OXR1: variants seen among roughly 807,000 people sequenced by gnomAD.
OXR1 encodes oxidation resistance 1.
In OXR1, 41 loss-of-function variants were observed where a neutral mutation model predicts 104.6. The ratio of observed to expected loss-of-function variants is 0.39; its 90% CI spans 0.31 to 0.51. The LOEUF is 0.51. Among genes scored for constraint, OXR1 ranks in the 20% least tolerant of loss-of-function variants. The pLI, the probability that OXR1 is intolerant of heterozygous loss-of-function variation, is 0.77. For missense variants in OXR1, 955 were observed against 1,031.9 expected, an observed-to-expected ratio of 0.93 and a Z score of 1.02; for synonymous variants, 348 against 348.4, an observed-to-expected ratio of 1.00 and a Z score of 0.01.
chr8:106,430,088 G>A, intron 2 of OXR1, among the ~76,000 whole-genome samples: 1 of 151,862 alleles, frequency 6.6e-6, no homozygotes, highest in Non-Finnish European at 1.5e-5. Context: ...TATATAACAG[G>A]TTGGTATCTT....
chr8:106,726,435 T>A, intron 11 of OXR1: 2 of 549,578 alleles, frequency 3.6e-6, no homozygotes, highest in Non-Finnish European at 6.1e-6. Context: ...AATTTTATGA[T>A]TGTACAAAGT....
intron 8 of OXR1, among the ~76,000 whole-genome samples, chr8:106,705,998 A>C (rs548933797): frequency 6.6e-6 from 1 of 152,182 alleles, no homozygotes; most frequent in South Asian, 2.1e-4. Flanking sequence ...TTAAAATTTT[A>C]ATTAAACATT....
intron 3 of OXR1, among the ~76,000 whole-genome samples, chr8:106,537,408 TA>T (rs1226522136): frequency 6.6e-6 from 1 of 152,066 alleles, no homozygotes; most frequent in African/African-American, 2.4e-5. Flanking sequence ...CAAAATGCCG[TA>T]AGAGTTTAAA....
At chr8:106,627,804 G>A (rs999882625) in intron 3 of OXR1, among the ~76,000 whole-genome samples, 5 of 152,180 alleles carry the variant, frequency 3.3e-5, no homozygotes, top group African/African-American at 1.2e-4. Flanking sequence ...CATTTTGGCA[G>A]TGAGTCCTAA....
At chr8:106,612,751 G>A (rs189843194) in intron 3 of OXR1, among the ~76,000 whole-genome samples, 1 of 152,140 alleles carries the variant, frequency 6.6e-6, no homozygotes, top group East Asian at 1.9e-4. Context: ...CATTTATTGA[G>A]TATTTATTAC....
intron 2 of OXR1, among the ~76,000 whole-genome samples, chr8:106,493,063 A>G (rs1476251784): frequency 1.3e-5 from 2 of 152,176 alleles, no homozygotes; most frequent in African/African-American, 4.8e-5. Flanking sequence ...AAAAAAATTG[A>G]ACTAGTATTC....
chr8:106,667,283 C>G (rs1238278211), intron 3 of OXR1, among the ~76,000 whole-genome samples: 2 of 152,166 alleles, frequency 1.3e-5, no homozygotes, highest in Non-Finnish European at 2.9e-5. Context: ...AAACCACTGA[C>G]TTAGGATGTG....
At chr8:106,587,041 G>A (rs1279370428) in intron 3 of OXR1, among the ~76,000 whole-genome samples, 1 of 152,126 alleles carries the variant, frequency 6.6e-6, no homozygotes, top group Admixed American at 6.5e-5. Context: ...GTCAGGAGAG[G>A]GTTTTATTAA....
intron 3 of OXR1, among the ~76,000 whole-genome samples, chr8:106,552,179 T>C (rs1815894390): frequency 6.6e-6 from 1 of 151,918 alleles, no homozygotes; most frequent in South Asian, 2.1e-4. Flanking sequence ...CAGGGAGGAT[T>C]TATTCATAGT....
chr8:106,695,706 C>T (rs1829952904), intron 7 of OXR1, among the ~76,000 whole-genome samples: 1 of 152,224 alleles, frequency 6.6e-6, no homozygotes, highest in East Asian at 1.9e-4. Context: ...GCGTGAGCTA[C>T]CGCACCCGGC....
At chr8:106,291,653 G>A (rs1353627481) in intron 1 of OXR1, among the ~76,000 whole-genome samples, 1 of 152,116 alleles carries the variant, frequency 6.6e-6, no homozygotes, top group African/African-American at 2.4e-5. Context: ...GTCATTCTGA[G>A]TGGTATGCAT....
intron 1 of OXR1, among the ~76,000 whole-genome samples, chr8:106,326,480 A>T (rs1814472667): frequency 6.6e-6 from 1 of 152,208 alleles, no homozygotes. Context: ...CTAGTCAATG[A>T]AGATAGAAAA....
At chr8:106,743,493 GTATTTTT>G (rs1835111269) in intron 15 of OXR1, among the ~76,000 whole-genome samples, 1 of 152,150 alleles carries the variant, frequency 6.6e-6, no homozygotes, top group African/African-American at 2.4e-5. Flanking sequence ...GCTAATTTTT[GTATTTTT>G]AGTAGAGACG....
intron 2 of OXR1, among the ~76,000 whole-genome samples, chr8:106,456,813 G>A (rs1820620702): frequency 6.6e-6 from 1 of 152,158 alleles, no homozygotes; most frequent in Admixed American, 6.5e-5. Context: ...ATAGATGGAT[G>A]GAGACTCAGG....
chr8:106,517,577 C>T (rs1812942496), intron 2 of OXR1, among the ~76,000 whole-genome samples: 1 of 127,114 alleles, frequency 7.9e-6, no homozygotes, highest in South Asian at 2.2e-4. Context: ...GCACCACCAC[C>T]AGCAGGGCAG....
At chr8:106,512,478 T>C (rs1487824800) in intron 2 of OXR1, among the ~76,000 whole-genome samples, 1 of 152,020 alleles carries the variant, frequency 6.6e-6, no homozygotes, top group Admixed American at 6.6e-5. Flanking sequence ...TCCAGACAAC[T>C]ACAGAACTCA....
chr8:106,683,067 A>T (rs1828338853), intron 4 of OXR1, 132 bp from the exon 5 acceptor site: 2 of 521,760 alleles, frequency 3.8e-6, no homozygotes, highest in South Asian at 3.2e-5. Flanking sequence ...CTTGACAGTT[A>T]TTTTCAAAGA....
intron 1 of OXR1, among the ~76,000 whole-genome samples, chr8:106,288,906 C>A (rs1055116039): frequency 7.7e-4 from 117 of 151,824 alleles, no homozygotes; most frequent in Non-Finnish European, 2.2e-4. Context: ...GCAAGTATGT[C>A]GATTGTGCAC....
intron 2 of OXR1, among the ~76,000 whole-genome samples, chr8:106,407,020 C>G (rs1320735124): frequency 1.3e-5 from 2 of 152,148 alleles, no homozygotes; most frequent in Non-Finnish European, 2.9e-5. Context: ...TATGAAAACT[C>G]TGTAGTTTCT....
Sources: gnomAD v4.1 joint callset for allele counts (sites outside exome capture counted in the v4.1 genomes callset) on GRCh38, gnomAD v4.1.1 for gene constraint, MANE v1.5 for transcripts, NCBI Gene and HGNC (gene_info 2026-07-23, HGNC 2026-07-21) for gene names.